EFL1: variants seen among roughly 807,000 people sequenced by gnomAD.
The protein encoded by EFL1 is elongation factor-like GTPase 1.
Under a neutral mutation model 126.7 loss-of-function variants are expected in EFL1, and 76 were observed. The observed-to-expected ratio is 0.60, with a 90% CI of 0.50 to 0.73. EFL1 has a LOEUF of 0.73. Ranked by LOEUF, EFL1 falls within the 30% of genes least tolerant of loss-of-function variation. The pLI is 0.00. For missense variants in EFL1, 1,128 were observed against 1,343.2 expected (o/e 0.84, Z 2.50); for synonymous variants, 410 against 448.4 (o/e 0.91, Z 1.08).
intron 18 of EFL1, among the ~76,000 whole-genome samples, chr15:82,150,473 G>A (rs1263191309): frequency 6.6e-6 from 1 of 152,158 alleles, no homozygotes; most frequent in African/African-American, 2.4e-5. Flanking sequence ...CTGTGTGCCA[G>A]GTGCTGTTCT....
At chr15:82,245,149 T>C (rs1467049283) in intron 4 of EFL1, among the ~76,000 whole-genome samples, 3 of 152,080 alleles carry the variant, frequency 2.0e-5, no homozygotes, top group African/African-American at 7.3e-5. Context: ...ATACTACTTT[T>C]TTTTGTTTTT....
chr15:82,220,224 A>G lies in EFL1; in HGVS notation c.1298T>C (p.Leu433Pro), dbSNP rs1402348665. The G allele has an allele frequency of 1.3e-6, 2 of 1,597,140 alleles. No homozygotes were observed. Among genetic ancestry groups the G allele is most frequent in the Non-Finnish European group, 1.7e-6 (2 of 1,174,706 alleles). Reference protein sequence around the residue: ...KALPQNKPRPLTQEEIAQRRE... With the variant: ...KALPQNKPRPPTQEEIAQRRE... ...TCTCTGAGCAATTTCTTCTTGAGTG[A>G]GAGGCCTACAGGATATCACAAATAT... The change falls in exon 13 of 20, where the codon CTC becomes CCC. Residue 433 changes from leucine to proline, a missense_variant. Physicochemically the swap from Leu to Pro is moderately conservative, Grantham distance 98 (BLOSUM62 -3). This residue lies in a region of EFL1 where 10 missense variants were observed against 32.2 expected (regional missense o/e 0.31). Coordinates refer to ENST00000268206, the MANE Select transcript of EFL1 (RefSeq NM_024580.6).
intron 15 of EFL1, among the ~76,000 whole-genome samples, chr15:82,211,549 T>TACACACACACACACAC (rs35812924): frequency 4.2e-5 from 4 of 94,348 alleles, no homozygotes; most frequent in African/African-American, 9.8e-5. Flanking sequence ...AAAATCTATA[T>TACACACACACACACAC]ACACACACAC....
chr15:82,222,210 CACA>C (rs1009350285), intron 12 of EFL1, among the ~76,000 whole-genome samples: 30 of 152,222 alleles, frequency 2.0e-4, no homozygotes, highest in African/African-American at 7.2e-4. Flanking sequence ...CATAATTTAT[CACA>C]ACAATTAAAT....
At chr15:82,181,581 T>C (rs1044460377) in intron 15 of EFL1, among the ~76,000 whole-genome samples, 18 of 152,032 alleles carry the variant, frequency 1.2e-4, no homozygotes, top group African/African-American at 4.4e-4. Flanking sequence ...TGGCAGCATA[T>C]TTTCCTGATG....
chr15:82,225,064 A>T (rs1382197954), intron 12 of EFL1, 101 bp downstream of exon 12: 1 of 764,908 alleles, frequency 1.3e-6, no homozygotes, highest in Non-Finnish European at 2.0e-6. Flanking sequence ...TGGGTTGAGG[A>T]GGAAAAGCAT....
rs186113061 is a variant in EFL1, at chr15:82,212,773, G to T, written c.1750+1944C>A. Among the ~76,000 whole-genome samples, 1,054 of 152,334 alleles carry T rather than the reference G, an allele frequency of 6.9e-3. 10 individuals carry two copies. Among genetic ancestry groups the T allele is most frequent in the Non-Finnish European group, 8.2e-3 (556 of 68,030 alleles). On this transcript the variant is annotated intron_variant, in intron 15 of 19. Transcript: ENST00000268206. ...TGCCTTAACTACAGAGGCTGGAAGA[G>T]TAAAACACTCAATCCCAGGGCTCCC...
chr15:82,194,454 G>A (rs1452841832), intron 15 of EFL1, among the ~76,000 whole-genome samples: 3 of 152,062 alleles, frequency 2.0e-5, no homozygotes, highest in Non-Finnish European at 2.9e-5. Context: ...AGAATGATCT[G>A]AAAAACACAA....
chr15:82,194,620 C>T (rs1181063159), intron 15 of EFL1, among the ~76,000 whole-genome samples: 1 of 152,112 alleles, frequency 6.6e-6, no homozygotes, highest in African/African-American at 2.4e-5. Context: ...ATAAGGGTGA[C>T]CACATAGAAC....
intron 3 of EFL1, among the ~76,000 whole-genome samples, chr15:82,257,950 T>C (rs970959774): frequency 3.9e-5 from 6 of 152,194 alleles, no homozygotes; most frequent in African/African-American, 1.4e-4. Context: ...GGGGAAAATA[T>C]AAGCATTTCA....
In EFL1 at chr15:82,241,342, T is replaced by G. The variant is rs201851277; in HGVS notation, c.306A>C (p.Glu102Asp). 1.1e-3 allele frequency: 1,803 copies of G among 1,614,002 alleles called. 7 individuals are homozygous for G. Among genetic ancestry groups the G allele is most frequent in the Non-Finnish European group, 9.1e-4 (1,079 of 1,179,868 alleles). Residue 102 changes from glutamate to aspartate, a missense_variant, in exon 5 of 20, where the codon GAA becomes GAC. Around this residue, in one of 6 missense-constraint regions of EFL1, gnomAD observed 118 missense variants for 188.1 expected, o/e 0.63. Coordinates refer to ENST00000268206, the MANE Select transcript of EFL1 (RefSeq NM_024580.6). ...DSPGHVDFSS[E>D]VSTAVRICDG... is the part of the protein sequence containing the mutation. ...CACAAATGCGAACAGCGGTTGATAC[T>G]TCTGAGGAAAAGTCCACGTGTCCTG... is the stretch of plus-strand genomic sequence containing the variant.
intron 15 of EFL1, among the ~76,000 whole-genome samples, chr15:82,180,424 T>C (rs1304187998): frequency 7.2e-6 from 1 of 139,768 alleles, no homozygotes; most frequent in Non-Finnish European, 1.5e-5. Context: ...CAATAAAATA[T>C]AGTGATTATC....
At chr15:82,154,888 A>C (rs1031458184) in intron 17 of EFL1, among the ~76,000 whole-genome samples, 11 of 152,148 alleles carry the variant, frequency 7.2e-5, no homozygotes, top group African/African-American at 2.7e-4. Flanking sequence ...CAGCTTCCTG[A>C]GTATCTGGTA....
At chr15:82,241,499 A>C (rs2074931126) in intron 4 of EFL1, 96 bp from the exon 5 acceptor site, 1 of 1,432,430 alleles carries the variant, frequency 7.0e-7, no homozygotes, top group African/African-American at 1.4e-5. Context: ...AGCTTCTAAG[A>C]AAAAACTGAA....
chr15:82,145,376 C>T (rs1425845523), intron 18 of EFL1, among the ~76,000 whole-genome samples: 1 of 151,356 alleles, frequency 6.6e-6, no homozygotes, highest in Non-Finnish European at 1.5e-5. Flanking sequence ...ACATGTGTTC[C>T]AACAATATTG....
intron 3 of EFL1, among the ~76,000 whole-genome samples, chr15:82,257,734 T>G (rs1188909228): frequency 3.3e-5 from 5 of 152,208 alleles, no homozygotes; most frequent in South Asian, 2.1e-4. Flanking sequence ...GAACCAATAT[T>G]GATGCATTAT....
At chr15:82,156,397 T>C (rs1369917545) in intron 17 of EFL1, among the ~76,000 whole-genome samples, 2 of 152,218 alleles carry the variant, frequency 1.3e-5, no homozygotes, top group Non-Finnish European at 2.9e-5. Context: ...GCAATTCTCC[T>C]GCCTCAGCCT....
chr15:82,170,367 G>A (rs1384122910), intron 15 of EFL1, among the ~76,000 whole-genome samples: 1 of 152,038 alleles, frequency 6.6e-6, no homozygotes, highest in African/African-American at 2.4e-5. Context: ...GCCCGCCTCG[G>A]CCTCCCAAAG....
At chr15:82,241,517 A>G (rs1567076701) in intron 4 of EFL1, 114 bp from the exon 5 acceptor site, 2 of 1,294,402 alleles carry the variant, frequency 1.5e-6, no homozygotes, top group East Asian at 5.1e-5. Flanking sequence ...GAACAAAGCT[A>G]AAGGAGTTGA....
Sources: allele counts gnomAD v4.1 joint callset (sites outside exome capture counted in the v4.1 genomes callset), GRCh38; gene constraint gnomAD v4.1.1; regional missense constraint gnomAD v4.1.1; transcripts MANE v1.5; gene names NCBI Gene and HGNC (gene_info 2026-07-23, HGNC 2026-07-21).